Variants in DGKK observed in about 807,000 individuals in gnomAD.
DGKK encodes 142 kDa diacylglycerol kinase.
DGKK carries 35 observed loss-of-function variants against 92.2 expected under a neutral mutation model. The ratio of observed to expected loss-of-function variants is 0.38; its 90% confidence interval spans 0.29 to 0.50. The LOEUF (loss-of-function observed/expected upper bound fraction) is 0.50. Among genes scored for constraint, DGKK ranks in the 20% least tolerant of loss-of-function variants. The probability of loss-of-function intolerance (pLI) is 0.92; values close to 1 mark genes in which losing one functional copy is unlikely to be tolerated. For synonymous variants in DGKK, 368 were observed against 360.6 expected (o/e 1.02, Z -0.23); for missense variants, 910 against 992.2 (o/e 0.92, Z 1.11).
chrX:50,374,989 A>C lies in DGKK; in HGVS notation c.3483T>G (p.Ala1161=). 5.8e-6 allele frequency: 7 copies of C among 1,209,434 alleles called. No individual in the cohort carries two copies. Among genetic ancestry groups the C allele is most frequent in the Non-Finnish European group, 7.8e-6 (7 of 893,952 alleles). The change falls in exon 25 of 28, where the codon GCT becomes GCG. Residue 1161 remains alanine, a synonymous_variant. Coordinates refer to ENST00000611977, the MANE Select transcript of DGKK (RefSeq NM_001013742.4). ...SLKGLYDDTT[A]FLDEKLLRSA... ...CACTCACCAGCTTTTCATCCAGGAAAGCTGTGGTGTCATCGTAGAGACCTT... is the reference window on the plus strand; with the variant it reads ...CACTCACCAGCTTTTCATCCAGGAACGCTGTGGTGTCATCGTAGAGACCTT...
At chrX:50,449,895 T>C (rs1557232338) in intron 1 of DGKK, among the ~76,000 whole-genome samples, 1 of 112,060 alleles carries the variant, frequency 8.9e-6, no homozygotes. Context: ...TTTTCTTTCT[T>C]CTAAATCATA....
At chrX:50,459,137 T>C (rs1331237665) in intron 1 of DGKK, among the ~76,000 whole-genome samples, 1 of 111,847 alleles carries the variant, frequency 8.9e-6, no homozygotes, top group Non-Finnish European at 1.9e-5. Context: ...AAAGCGATAA[T>C]GCATTCCCAC....
rs1025399173 is a variant in DGKK at position 50,403,929 on chromosome X, G to A, written c.1078+120C>T. ...CCTCCCTTTTTCTTTCCTCAATCAG[G>A]GTTAACCTCACACCAGAGTCAGTGA... On this transcript the variant is annotated intron_variant, in intron 5 of 27. Transcript: ENST00000611977. The A allele has an allele frequency of 1.7e-5, 15 of 892,476 alleles. No individual in the cohort carries two copies. The African/African-American group carries it at 3.0e-4, about 18-fold the overall frequency. 73.6% of individuals were successfully genotyped at this position (892,476 alleles called of 1,213,427 possible).
intron 1 of DGKK, among the ~76,000 whole-genome samples, chrX:50,441,780 A>G (rs144263991): frequency 2.3e-3 from 254 of 112,018 alleles, no homozygotes; most frequent in African/African-American, 7.7e-3. Context: ...GTTACAGACC[A>G]TATTCATTTT....
chrX:50,396,063 A>G (rs782188635), intron 8 of DGKK, among the ~76,000 whole-genome samples: 3 of 112,222 alleles, frequency 2.7e-5, no homozygotes, highest in African/African-American at 9.7e-5. Flanking sequence ...AAAACTACTA[A>G]ATTATTCATC....
intron 1 of DGKK, among the ~76,000 whole-genome samples, chrX:50,447,646 A>T (rs1926400057): frequency 9.6e-6 from 1 of 103,919 alleles, no homozygotes; most frequent in African/African-American, 3.5e-5. Flanking sequence ...TCAAAACCCA[A>T]CTTGGCTTAA....
chrX:50,470,559 CGGCGGAGCCGGT>C lies in DGKK; in HGVS notation c.108_119del (p.Pro41_Pro44del), dbSNP rs782765827. 3.8e-4 allele frequency: 462 copies of C among 1,203,878 alleles called. 2 individuals are homozygous for C. Among genetic ancestry groups the C allele is most frequent in the Non-Finnish European group, 3.6e-4 (325 of 893,652 alleles). On this transcript the variant is annotated inframe_deletion, in exon 1 of 28. Coordinates refer to ENST00000611977, the MANE Select transcript of DGKK (RefSeq NM_001013742.4). ...CCTCGGAGAGCAGCGGCGGAGCCGG[CGGCGGAGCCGGT>C]GGTGGTGGCGGCGGCGGCCAAGGCG... is the stretch of plus-strand genomic sequence containing the variant.
intron 9 of DGKK, among the ~76,000 whole-genome samples, chrX:50,392,893 G>A (rs2079906425): frequency 8.9e-6 from 1 of 112,410 alleles, no homozygotes; most frequent in African/African-American, 3.2e-5. Flanking sequence ...ATAGTTTTAC[G>A]TTTTCCAACC....
rs925912681 is a variant in DGKK at position 50,399,641 on chromosome X, C to T, written c.1411+1396G>A. Among the ~76,000 whole-genome samples the T allele has an allele frequency of 7.1e-5, 8 of 112,158 alleles. No individual in the cohort carries two copies. In the East Asian group the frequency reaches 2.2e-3, roughly 31 times the overall value. ...CATATATAGAGTGAAACTAATCATA[C>T]ACAAACTGAAATTTATGAGCAGTGT... On this transcript the variant is annotated intron_variant, in intron 8 of 27. Transcript: ENST00000611977.
chrX:50,403,591 T>C lies in DGKK; in HGVS notation c.1085A>G (p.Lys362Arg). 3 of 1,198,869 alleles carry C rather than the reference T, an allele frequency of 2.5e-6. No individual in the cohort carries two copies. Among genetic ancestry groups the C allele is most frequent in the Non-Finnish European group, 3.4e-6 (3 of 884,892 alleles). The change falls in exon 6 of 28, where the codon AAA becomes AGA. Residue 362 changes from lysine to arginine, a missense_variant. Physicochemically the swap from Lys to Arg is conservative, Grantham distance 26 (BLOSUM62 2). Coordinates refer to ENST00000611977, the MANE Select transcript of DGKK (RefSeq NM_001013742.4). ...AGCACACAATCTGTGAGATTTCACT[T>C]TGCACACTGTGAGAAGAGGAAGAGA... is the stretch of plus-strand genomic sequence containing the variant. ...SRDAIICEVC[K>R]VKSHRLCALR...
chrX:50,443,704 T>TG (rs782008638), intron 1 of DGKK, among the ~76,000 whole-genome samples: 25 of 99,588 alleles, frequency 2.5e-4, no homozygotes, highest in African/African-American at 9.2e-4. Flanking sequence ...TGCACTCATT[T>TG]TGTGTGTGTG....
chrX:50,444,734 A>T lies in DGKK; in HGVS notation c.646-20376T>A, dbSNP rs782444797. On this transcript the variant is annotated intron_variant, in intron 1 of 27. Transcript: ENST00000611977. Reference sequence around the variant, plus strand: ...TTGATTCTATGTCTTTGCTATTGTGAATAGTGCTGCAATGAACATTCACAT... The same window carrying T: ...TTGATTCTATGTCTTTGCTATTGTGTATAGTGCTGCAATGAACATTCACAT... 1.2e-4 allele frequency among the ~76,000 whole-genome samples: 13 copies of T among 111,570 alleles called. No homozygotes were observed. In the Admixed American group the frequency reaches 1.2e-3, roughly 11 times the overall value.
intron 25 of DGKK, among the ~76,000 whole-genome samples, chrX:50,372,668 G>A (rs1460302759): frequency 1.8e-5 from 2 of 111,953 alleles, no homozygotes; most frequent in African/African-American, 6.5e-5. Flanking sequence ...CCCACAAGAT[G>A]AACTTTGTAC....
At chrX:50,379,397 C>T (rs1253079451) in intron 20 of DGKK, among the ~76,000 whole-genome samples, 3 of 110,284 alleles carry the variant, frequency 2.7e-5, no homozygotes, top group East Asian at 2.9e-4. Context: ...ATCCAAAGCC[C>T]AGGCAACACC....
At chrX:50,457,797 G>C (rs1383269947) in intron 1 of DGKK, among the ~76,000 whole-genome samples, 1 of 111,442 alleles carries the variant, frequency 9.0e-6, no homozygotes, top group Non-Finnish European at 1.9e-5. Context: ...CATATTTTTA[G>C]TTATATCTAC....
chrX:50,434,684 G>GA (rs782405978), intron 1 of DGKK, among the ~76,000 whole-genome samples: 135 of 101,718 alleles, frequency 1.3e-3, no homozygotes, highest in Admixed American at 4.4e-3. Context: ...AGAAGGCAGG[G>GA]AAAAAAAAAA....
At chrX:50,381,010 T>A (rs1557224391) in intron 18 of DGKK, among the ~76,000 whole-genome samples, 4 of 111,915 alleles carry the variant, frequency 3.6e-5, no homozygotes, top group Non-Finnish European at 1.9e-5. Context: ...CAAAAACTAC[T>A]GTAAAGCTAT....
intron 17 of DGKK, among the ~76,000 whole-genome samples, chrX:50,383,094 A>C (rs782173246): frequency 8.9e-6 from 1 of 112,283 alleles, no homozygotes; most frequent in Non-Finnish European, 1.9e-5. Flanking sequence ...ATATGTACAT[A>C]ACAAAAAAGC....
intron 1 of DGKK, among the ~76,000 whole-genome samples, chrX:50,462,015 T>C (rs1602307384): frequency 1.8e-5 from 2 of 111,576 alleles, no homozygotes; most frequent in African/African-American, 6.5e-5. Context: ...TAATTGGTAG[T>C]TAATAGCAAG....
Sources: gnomAD v4.1 joint callset for allele counts (sites outside exome capture counted in the v4.1 genomes callset) on GRCh38, gnomAD v4.1.1 for gene constraint, MANE v1.5 for transcripts, NCBI Gene and HGNC (gene_info 2026-07-23, HGNC 2026-07-21) for gene names.